ADAMTS9: variants seen among roughly 807,000 people sequenced by gnomAD.
ADAMTS9 encodes ADAM metallopeptidase with thrombospondin type 1 motif 9.
Under a neutral mutation model 257.1 loss-of-function variants are expected in ADAMTS9, and 107 were observed. The observed-to-expected ratio is 0.42, with a 90% confidence interval of 0.36 to 0.49. ADAMTS9 has a LOEUF of 0.49. ADAMTS9 is among the 20% of genes least tolerant of loss of function. The probability of loss-of-function intolerance (pLI) is 0.03; values close to 1 mark genes in which losing one functional copy is unlikely to be tolerated. For missense variants in ADAMTS9, 2,353 were observed against 2,469.1 expected, an observed-to-expected ratio of 0.95 and a Z score of 1.00; for synonymous variants, 982 against 880.9, an observed-to-expected ratio of 1.11 and a Z score of -2.03.
rs186884968 is a variant in ADAMTS9 at position 64,564,889 on chromosome 3, G to A, written c.4525-3138C>T. Among the ~76,000 whole-genome samples the A allele has an allele frequency of 1.5e-4, 23 of 152,186 alleles. No individual in the cohort carries two copies. The East Asian group carries it at 3.9e-3, about 26-fold the overall frequency. On this transcript the variant is annotated intron_variant, in intron 29 of 39. Coordinates refer to ENST00000498707, the MANE Select transcript of ADAMTS9 (RefSeq NM_182920.2). ...AACAAAAAAACAGAGATAATCACCCGAACTCAAGCAAAAACAAAACCAAAA... is the reference window on the plus strand; with the variant it reads ...AACAAAAAAACAGAGATAATCACCCAAACTCAAGCAAAAACAAAACCAAAA...
intron 11 of ADAMTS9, among the ~76,000 whole-genome samples, chr3:64,646,533 C>T (rs1217067855): frequency 1.3e-5 from 2 of 152,086 alleles, no homozygotes; most frequent in African/African-American, 2.4e-5. Flanking sequence ...CGCTTGTATC[C>T]GTATAAACTT....
intron 30 of ADAMTS9, among the ~76,000 whole-genome samples, chr3:64,553,560 C>T (rs1239709080): frequency 1.3e-5 from 2 of 152,048 alleles, no homozygotes; most frequent in Admixed American, 1.3e-4. Flanking sequence ...GTATATATAC[C>T]TGGGAGTGGA....
intron 30 of ADAMTS9, among the ~76,000 whole-genome samples, chr3:64,555,633 A>T (rs951678899): frequency 1.3e-5 from 2 of 152,216 alleles, no homozygotes; most frequent in Non-Finnish European, 2.9e-5. Context: ...GTAAGAAGCC[A>T]CCAGGGAGAG....
At chr3:64,547,895 A>T (rs7613797) in intron 31 of ADAMTS9, among the ~76,000 whole-genome samples, 142,269 of 152,182 alleles carry the variant, frequency 0.93, 66,851 homozygotes, top group East Asian at 1. Context: ...AAAATAAAAC[A>T]GAGTTACAAT....
At chr3:64,541,439 A>G in intron 34 of ADAMTS9, 25 bp from the exon 35 acceptor site, 1 of 1,612,724 alleles carries the variant, frequency 6.2e-7, no homozygotes, top group Non-Finnish European at 8.5e-7. Context: ...ATAACCCATG[A>G]AGAGTGGCTC....
At chr3:64,545,664 G>A (rs1364756806) in intron 32 of ADAMTS9, among the ~76,000 whole-genome samples, 3 of 152,116 alleles carry the variant, frequency 2.0e-5, no homozygotes, top group African/African-American at 4.8e-5. Flanking sequence ...TATAAATGAC[G>A]AGTTAATAGG....
chr3:64,586,611 T>A (rs1054283958), intron 28 of ADAMTS9: 2 of 152,144 alleles, frequency 1.3e-5, no homozygotes, highest in African/African-American at 4.8e-5. Context: ...CTGATGGCAA[T>A]TATCAGTCAA....
chr3:64,536,397 G>A (rs75962212), intron 37 of ADAMTS9, among the ~76,000 whole-genome samples: 3 of 152,108 alleles, frequency 2.0e-5, no homozygotes, highest in African/African-American at 7.2e-5. Context: ...ACCTTCTGTT[G>A]CCTATTCTAA....
intron 28 of ADAMTS9, among the ~76,000 whole-genome samples, chr3:64,590,467 T>C (rs2084240541): frequency 6.6e-6 from 1 of 152,210 alleles, no homozygotes; most frequent in Non-Finnish European, 1.5e-5. Context: ...AAAATAAATA[T>C]GCTTTATTAT....
chr3:64,652,555 AC>A (rs1439130028), intron 8 of ADAMTS9, among the ~76,000 whole-genome samples: 8 of 152,162 alleles, frequency 5.3e-5, no homozygotes, highest in Admixed American at 5.2e-4. Context: ...TTTATTCCCC[AC>A]TCCCACAATT....
At chr3:64,665,771 G>A (rs376555792) in intron 3 of ADAMTS9, among the ~76,000 whole-genome samples, 40 of 152,256 alleles carry the variant, frequency 2.6e-4, no homozygotes, top group South Asian at 1.2e-3. Flanking sequence ...AGTGCTGAGG[G>A]CTGGTCTTCA....
chr3:64,627,732 C>A (rs1314674396), intron 16 of ADAMTS9, among the ~76,000 whole-genome samples: 2 of 152,116 alleles, frequency 1.3e-5, no homozygotes, highest in Non-Finnish European at 2.9e-5. Context: ...CCCATCAGAG[C>A]TGGGTTGCTA....
intron 26 of ADAMTS9, among the ~76,000 whole-genome samples, chr3:64,601,695 T>C (rs2084464671): frequency 6.6e-6 from 1 of 152,150 alleles, no homozygotes; most frequent in South Asian, 2.1e-4. Flanking sequence ...GGAGGCCATG[T>C]GATCATATCA....
chr3:64,656,413 A>G (rs1188124917), intron 4 of ADAMTS9, among the ~76,000 whole-genome samples: 1 of 152,130 alleles, frequency 6.6e-6, no homozygotes, highest in Non-Finnish European at 1.5e-5. Flanking sequence ...CTACACAGCG[A>G]AACTCTGGGC....
At chr3:64,611,784 G>C (rs970198335) in intron 22 of ADAMTS9, among the ~76,000 whole-genome samples, 2 of 152,162 alleles carry the variant, frequency 1.3e-5, no homozygotes, top group Non-Finnish European at 2.9e-5. Context: ...GTTCTTTACA[G>C]GCCATGGCCC....
intron 3 of ADAMTS9, among the ~76,000 whole-genome samples, chr3:64,670,454 C>T (rs1409868282): frequency 6.6e-6 from 1 of 152,210 alleles, no homozygotes; most frequent in African/African-American, 2.4e-5. Flanking sequence ...ATACTGCATG[C>T]TCCACTATAC....
At chr3:64,590,995 G>A (rs567256750) in intron 28 of ADAMTS9, among the ~76,000 whole-genome samples, 5 of 152,108 alleles carry the variant, frequency 3.3e-5, no homozygotes, top group Non-Finnish European at 5.9e-5. Context: ...TCTCTAGAAC[G>A]CTCTGGATTT....
In ADAMTS9 at chr3:64,604,743, TA is replaced by T. The variant is rs532402901; in HGVS notation, c.3475-413del. Among the ~76,000 whole-genome samples the T allele has an allele frequency of 2.0e-3, 311 of 152,366 alleles. 1 individual carries two copies. The highest frequency in any genetic ancestry group is 0.019 in the South Asian group (90 of 4,830). On this transcript the variant is annotated intron_variant, in intron 23 of 39. Transcript: ENST00000498707. Reference sequence around the variant, plus strand: ...AATTAATTTCTTAATCAGAATTTGCTAATCATGAACTTGCTTTCCCTGTTTG... The same window carrying T: ...AATTAATTTCTTAATCAGAATTTGCTATCATGAACTTGCTTTCCCTGTTTG...
At position 64,633,429 on chromosome 3, in the gene ADAMTS9, G is replaced by C. The variant is rs1403694741; in HGVS notation, c.2175+43C>G. 3 of 1,608,592 alleles carry C rather than the reference G, an allele frequency of 1.9e-6. No homozygotes were observed. The South Asian group carries it at 3.3e-5, about 18-fold the overall frequency. On this transcript the variant is annotated intron_variant, in intron 14 of 39. Transcript: ENST00000498707. The stretch of plus-strand genomic sequence containing the variant: ...CTAGGAAGCCACAAATCACAGGTTG[G>C]CAGCGGGAAAACACAGTGAAGAAAA...
Sources: gnomAD v4.1 joint callset for allele counts (sites outside exome capture counted in the v4.1 genomes callset) on GRCh38, gnomAD v4.1.1 for gene constraint, MANE v1.5 for transcripts, NCBI Gene and HGNC (gene_info 2026-07-23, HGNC 2026-07-21) for gene names.